DYNC2LI1: variants seen among roughly 807,000 people sequenced by gnomAD.
DYNC2LI1 encodes dynein cytoplasmic 2 light intermediate chain 1, also known as cytoplasmic dynein 2 light intermediate chain 1.
A neutral mutation model predicts 51.9 loss-of-function variants in DYNC2LI1; 45 were observed. The observed-to-expected ratio is 0.87, with a 90% CI of 0.68 to 1.11. The LOEUF (loss-of-function observed/expected upper bound fraction) is 1.11. DYNC2LI1 is among the 50% of genes most tolerant of loss of function. DYNC2LI1 has a pLI of 0.00. For synonymous variants in DYNC2LI1, 130 were observed against 137.8 expected, an observed-to-expected ratio of 0.94 and a Z score of 0.40; for missense variants, 490 against 417.4, an observed-to-expected ratio of 1.17 and a Z score of -1.51.
chr2:43,826,221 A>G, the DYNC2LI1 span, among the ~76,000 whole-genome samples: 2 of 151,436 alleles, frequency 1.3e-5, no homozygotes, highest in South Asian at 4.2e-4. Flanking sequence ...GATGGACTCA[A>G]ACTCCTGGCC....
chr2:43,822,789 C>T, the DYNC2LI1 span: 2 of 1,614,132 alleles, frequency 1.2e-6, no homozygotes, highest in Admixed American at 1.7e-5. Flanking sequence ...AACTGAACAA[C>T]CCCTCACCAG....
chr2:43,808,750 A>G (rs1666366279), intron 12 of DYNC2LI1, among the ~76,000 whole-genome samples: 1 of 152,232 alleles, frequency 6.6e-6, no homozygotes, highest in East Asian at 1.9e-4. Context: ...GGCACACATT[A>G]TGTTTTCATG....
At chr2:43,799,747 A>T (rs1055922236) in intron 8 of DYNC2LI1, among the ~76,000 whole-genome samples, 4 of 152,320 alleles carry the variant, frequency 2.6e-5, no homozygotes, top group Admixed American at 2.6e-4. Context: ...TCTATGAAAT[A>T]TGTTTGTGAT....
At chr2:43,825,160 G>C in the DYNC2LI1 span, 2 of 1,008,192 alleles carry the variant, frequency 2.0e-6, no homozygotes, top group South Asian at 2.8e-5. Flanking sequence ...TTTCCCATAA[G>C]CAGTCAGTCC....
At chr2:43,792,682 G>A (rs1325200762) in intron 5 of DYNC2LI1, 2 of 1,542,688 alleles carry the variant, frequency 1.3e-6, no homozygotes, top group Admixed American at 2.0e-5. Context: ...CCAGCTCCTG[G>A]CAACTATCAT....
At chr2:43,805,492 G>C (rs1666218815) in intron 12 of DYNC2LI1, 1 of 232,906 alleles carries the variant, frequency 4.3e-6, no homozygotes, top group Admixed American at 5.7e-5. Context: ...ACATGACTTA[G>C]TGTTCACATA....
In DYNC2LI1 at chr2:43,805,171, A is replaced by G. The variant is rs1666205433; in HGVS notation, c.918A>G (p.Lys306=). The change falls in exon 12 of 13, where the codon AAA becomes AAG. Residue 306 remains lysine (K), a synonymous_variant. Transcript: ENST00000260605. ...AATTTCAGAGTATTAACACGCTGAA[A>G]GATATCAAGGACCCTGCGAGAGATC... The part of the protein sequence containing the change: ...LFPPKSINTL[K]DIKDPARDPQ... The G allele has an allele frequency of 2.5e-6, 4 of 1,610,278 alleles. No homozygotes were observed. Among genetic ancestry groups the G allele is most frequent in the Non-Finnish European group, 3.4e-6 (4 of 1,177,714 alleles).
rs1472247461 is a variant in DYNC2LI1, at chr2:43,804,667, C to T, written c.828C>T (p.Asp276=). The change falls in exon 11 of 13, where the codon GAC becomes GAT. Residue 276 remains aspartate, a synonymous_variant. Coordinates refer to ENST00000260605, the MANE Select transcript of DYNC2LI1 (RefSeq NM_016008.4). ...GATCTCCTCCTGTTCCTGAAAATGACATTGGAAAGCTTCATGCCCACTCAC... is the reference window on the plus strand; with the variant it reads ...GATCTCCTCCTGTTCCTGAAAATGATATTGGAAAGCTTCATGCCCACTCAC... ...QIGSPPVPEN[D]IGKLHAHSPM... is the part of the protein sequence containing the mutation. The T allele has an allele frequency of 3.1e-6, 5 of 1,605,996 alleles. No homozygotes were observed. The highest frequency in any genetic ancestry group is 3.4e-5 in the Admixed American group (2 of 58,312).
chr2:43,778,782 C>T lies in DYNC2LI1; in HGVS notation c.126+1883C>T, dbSNP rs551799635. Among the ~76,000 whole-genome samples the T allele has an allele frequency of 6.6e-5, 10 of 152,198 alleles. No individual in the cohort carries two copies. In the East Asian group the frequency reaches 1.9e-3, roughly 29 times the overall value. The stretch of plus-strand genomic sequence containing the variant: ...TCTTGACTCCCTTGTAGTCATGATA[C>T]CCTGTTTTGTCTTGTTTTGTTTTGT... On this transcript the variant is annotated intron_variant, in intron 2 of 12. Coordinates refer to ENST00000260605, the MANE Select transcript of DYNC2LI1 (RefSeq NM_016008.4).
chr2:43,788,068 TC>T, intron 4 of DYNC2LI1, among the ~76,000 whole-genome samples: 2 of 152,252 alleles, frequency 1.3e-5, no homozygotes, highest in South Asian at 4.2e-4. Flanking sequence ...TTTTTGTGAG[TC>T]ACTTGAATTT....
At chr2:43,785,217 T>C (rs749112654) in intron 3 of DYNC2LI1, among the ~76,000 whole-genome samples, 3 of 152,160 alleles carry the variant, frequency 2.0e-5, no homozygotes, top group Non-Finnish European at 4.4e-5. Context: ...GAGGATTACT[T>C]GAGCCCGAGA....
rs1673843100 is a variant in DYNC2LI1, at chr2:43,792,625, A to T, written c.321-1832A>T. 5 of 1,497,028 alleles carry T rather than the reference A, an allele frequency of 3.3e-6. No individual in the cohort carries two copies. The South Asian group carries it at 5.4e-5, about 16-fold the overall frequency. 92.7% of individuals were successfully genotyped at this position (1,497,028 alleles called of 1,614,324 possible). ...CTCCAGAACTTTTTGATCTTCTCAA[A>T]CTGAAACTCTTTACCTATTAAACAA... On this transcript the variant is annotated intron_variant, in intron 5 of 12. Coordinates refer to ENST00000260605, the MANE Select transcript of DYNC2LI1 (RefSeq NM_016008.4).
chr2:43,814,584 A>G (rs766184959), downstream of DYNC2LI1: 3 of 1,578,794 alleles, frequency 1.9e-6, no homozygotes, highest in Admixed American at 3.3e-5. Flanking sequence ...CATTTCTTGT[A>G]TGTTTCTTAA....
the DYNC2LI1 span, among the ~76,000 whole-genome samples, chr2:43,819,179 G>A: frequency 4.9e-4 from 75 of 151,876 alleles, no homozygotes; most frequent in South Asian, 0.015. Flanking sequence ...TTTCCTTGGG[G>A]ACCCAGAGAT....
intron 3 of DYNC2LI1, among the ~76,000 whole-genome samples, 163 bp from the exon 4 acceptor site, chr2:43,787,018 G>A (rs72873531): frequency 1.3e-5 from 2 of 152,246 alleles, no homozygotes; most frequent in African/African-American, 4.8e-5. Context: ...GTGTTTTGCA[G>A]GTTTATTTCT....
At chr2:43,795,566 T>C (rs1025449) in intron 6 of DYNC2LI1, among the ~76,000 whole-genome samples, 3,323 of 151,952 alleles carry the variant, frequency 0.022, 84 homozygotes, top group African/African-American at 0.062. Context: ...AAATCTATGC[T>C]GGATAAATGC....
chr2:43,794,958 A>G, intron 6 of DYNC2LI1: 1 of 1,269,854 alleles, frequency 7.9e-7, no homozygotes, highest in Non-Finnish European at 9.9e-7. Context: ...ATAAAAAGCC[A>G]GATTGTACAA....
downstream of DYNC2LI1, chr2:43,810,059 A>T: frequency 1.4e-6 from 1 of 734,862 alleles, no homozygotes; most frequent in Non-Finnish European, 1.7e-6. Context: ...GTTTCTGCTT[A>T]TATGTTTTTA....
chr2:43,801,097 TTTA>T lies in DYNC2LI1; in HGVS notation c.731+189_731+191del, dbSNP rs202012608. On this transcript the variant is annotated intron_variant, in intron 9 of 12. Coordinates refer to ENST00000260605, the MANE Select transcript of DYNC2LI1 (RefSeq NM_016008.4). ...TTATTTTATTTATTTTATTATTTAT[TTTA>T]TTATTATTTTTAATTATTAATATTA... 2.0e-3 allele frequency among the ~76,000 whole-genome samples: 301 copies of T among 148,498 alleles called. 1 individual carries two copies. The highest frequency in any genetic ancestry group is 6.8e-3 in the African/African-American group (280 of 40,984).
Sources: gnomAD v4.1 joint callset for allele counts (sites outside exome capture counted in the v4.1 genomes callset) on GRCh38, gnomAD v4.1.1 for gene constraint, MANE v1.5 for transcripts, NCBI Gene and HGNC (gene_info 2026-07-23, HGNC 2026-07-21) for gene names.